EIPR1: variants seen among roughly 807,000 people sequenced by gnomAD.
EIPR1 encodes the protein EARP complex and GARP complex interacting protein 1, also known as EARP and GARP complex-interacting protein 1.
Under a neutral mutation model 48.1 loss-of-function variants are expected in EIPR1, and 25 were observed. The ratio of observed to expected loss-of-function variants is 0.52; its 90% CI spans 0.38 to 0.73. The LOEUF is 0.73. Ranked by LOEUF, EIPR1 falls within the 30% of genes least tolerant of loss-of-function variation. The probability of loss-of-function intolerance (pLI) is 0.00; values close to 1 mark genes in which losing one functional copy is unlikely to be tolerated. For missense variants in EIPR1, 415 were observed against 506.2 expected (o/e 0.82, Z 1.73); for synonymous variants, 204 against 201.9 (o/e 1.01, Z -0.09).
chr2:3,285,742 G>A (rs56121681), intron 3 of EIPR1, among the ~76,000 whole-genome samples: 2 of 52,328 alleles, frequency 3.8e-5, no homozygotes, highest in Non-Finnish European at 7.4e-5. Context: ...GACTGTCTCC[G>A]GGACCCTCGC....
chr2:3,248,656 C>T (rs1170250836), intron 4 of EIPR1, among the ~76,000 whole-genome samples: 2 of 152,132 alleles, frequency 1.3e-5, no homozygotes, highest in Non-Finnish European at 2.9e-5. Flanking sequence ...ATCCCAGCTA[C>T]TCAGGGGGCT....
intron 4 of EIPR1, among the ~76,000 whole-genome samples, chr2:3,248,875 C>T (rs1304513726): frequency 1.3e-5 from 2 of 152,204 alleles, no homozygotes; most frequent in African/African-American, 4.8e-5. Flanking sequence ...TTTCACCTTC[C>T]ACAATGATTG....
At chr2:3,369,911 C>T (rs1469899448) in intron 1 of EIPR1, among the ~76,000 whole-genome samples, 2 of 152,170 alleles carry the variant, frequency 1.3e-5, no homozygotes, top group African/African-American at 4.8e-5. Flanking sequence ...AGCTGGAGAT[C>T]TGAGAACGGG....
intron 3 of EIPR1, among the ~76,000 whole-genome samples, chr2:3,313,655 C>G (rs537840947): frequency 1.3e-5 from 2 of 152,282 alleles, no homozygotes; most frequent in South Asian, 2.1e-4. Flanking sequence ...CCATTTTCAG[C>G]TCTCCCCACT....
At chr2:3,288,298 C>A (rs969672090) in intron 3 of EIPR1, among the ~76,000 whole-genome samples, 5 of 152,224 alleles carry the variant, frequency 3.3e-5, no homozygotes, top group African/African-American at 1.2e-4. Flanking sequence ...CATTGAAACA[C>A]TGAACCCAAA....
intron 4 of EIPR1, among the ~76,000 whole-genome samples, chr2:3,247,733 C>T (rs760615657): frequency 3.3e-5 from 5 of 152,166 alleles, no homozygotes. Context: ...TAATCATTGA[C>T]TCAGGGAGAA....
intron 2 of EIPR1, among the ~76,000 whole-genome samples, chr2:3,352,139 G>A (rs1334268861): frequency 4.0e-5 from 5 of 123,540 alleles, no homozygotes; most frequent in Non-Finnish European, 6.8e-5. Flanking sequence ...CTACAGAAGC[G>A]ACCTGCCCCT....
At chr2:3,225,700 A>G (rs940632290) in intron 4 of EIPR1, among the ~76,000 whole-genome samples, 4 of 152,142 alleles carry the variant, frequency 2.6e-5, no homozygotes, top group Non-Finnish European at 4.4e-5. Flanking sequence ...ACAATACACT[A>G]TTATTAACTA....
chr2:3,227,734 C>T (rs1237239251), intron 4 of EIPR1, among the ~76,000 whole-genome samples: 3 of 152,262 alleles, frequency 2.0e-5, no homozygotes, highest in African/African-American at 7.2e-5. Context: ...TACGGCCCCC[C>T]TGCTCTGTGC....
At chr2:3,314,444 ACT>A (rs1669223446) in intron 3 of EIPR1, among the ~76,000 whole-genome samples, 1 of 151,634 alleles carries the variant, frequency 6.6e-6, no homozygotes, top group Non-Finnish European at 1.5e-5. Context: ...TTAAGGCTAT[ACT>A]CTCTTTTTTG....
intron 5 of EIPR1, among the ~76,000 whole-genome samples, chr2:3,200,432 G>C (rs11127385): frequency 0.25 from 38,335 of 152,148 alleles, 6,096 homozygotes; most frequent in Non-Finnish European, 0.36. Flanking sequence ...TGTGCCAAGG[G>C]TGACTTACTG....
chr2:3,317,589 C>T lies in EIPR1; in HGVS notation c.259+20428G>A, dbSNP rs529206450. Among the ~76,000 whole-genome samples the T allele has an allele frequency of 2.6e-5, 4 of 152,336 alleles. No homozygotes were observed. In the South Asian group the frequency reaches 8.3e-4, roughly 32 times the overall value. On this transcript the variant is annotated intron_variant, in intron 3 of 8. Coordinates refer to ENST00000382125, the MANE Select transcript of EIPR1 (RefSeq NM_003310.5). ...CTAGATAGAGGCCCCTCCCACCTTA[C>T]TTAAATAAACACACTGAAGACTCCA...
intron 2 of EIPR1, among the ~76,000 whole-genome samples, chr2:3,350,680 A>G (rs1393470617): frequency 6.6e-6 from 1 of 152,216 alleles, no homozygotes; most frequent in Non-Finnish European, 1.5e-5. Context: ...CAGCTCAACA[A>G]TGTCACATGC....
At chr2:3,206,290 G>T (rs1460211968) in intron 5 of EIPR1, among the ~76,000 whole-genome samples, 8 of 152,206 alleles carry the variant, frequency 5.3e-5, no homozygotes, top group Non-Finnish European at 1.5e-5. Flanking sequence ...TCCTGCCAGG[G>T]TCACACGGCA....
At chr2:3,343,170 C>T (rs1373228929) in intron 2 of EIPR1, among the ~76,000 whole-genome samples, 3 of 152,206 alleles carry the variant, frequency 2.0e-5, no homozygotes, top group South Asian at 2.1e-4. Context: ...TCTGCCGCCC[C>T]GCCACCTGCC....
At chr2:3,281,017 C>T (rs1363262660) in intron 3 of EIPR1, among the ~76,000 whole-genome samples, 3 of 152,128 alleles carry the variant, frequency 2.0e-5, no homozygotes, top group Non-Finnish European at 4.4e-5. Flanking sequence ...CTGTCTCCTA[C>T]GTGGTCCTCT....
rs140243913 is a variant in EIPR1, at chr2:3,262,646, G to C, written c.260-5191C>G. Among the ~76,000 whole-genome samples the C allele has an allele frequency of 3.5e-3, 533 of 152,346 alleles. 5 individuals carry two copies. Among genetic ancestry groups the C allele is most frequent in the African/African-American group, 0.012 (514 of 41,568 alleles). ...GCTGGTGTGGAAGTTGTCAGTGGTA[G>C]AAAGCATGCAGTGTGGACTTTGTGG... On this transcript the variant is annotated intron_variant, in intron 3 of 8. Coordinates refer to ENST00000382125, the MANE Select transcript of EIPR1 (RefSeq NM_003310.5).
At chr2:3,305,505 G>A (rs1397286341) in intron 3 of EIPR1, among the ~76,000 whole-genome samples, 1 of 149,790 alleles carries the variant, frequency 6.7e-6, no homozygotes, top group Non-Finnish European at 1.5e-5. Context: ...CTCCACTCCT[G>A]TCCAGTTCAA....
intron 3 of EIPR1, among the ~76,000 whole-genome samples, chr2:3,329,770 T>A (rs1326216529): frequency 7.1e-6 from 1 of 140,962 alleles, no homozygotes; most frequent in Non-Finnish European, 1.5e-5. Context: ...TTAGCCTGGG[T>A]TCCCCAACAT....
Sources: allele counts gnomAD v4.1 joint callset (sites outside exome capture counted in the v4.1 genomes callset), GRCh38; gene constraint gnomAD v4.1.1; transcripts MANE v1.5; gene names NCBI Gene and HGNC (gene_info 2026-07-23, HGNC 2026-07-21).